Variants in GLMN observed in about 807,000 individuals in gnomAD.
GLMN encodes glomulin, FKBP associated protein, also known as glomulin.
In GLMN, 75 loss-of-function variants were observed where a neutral mutation model predicts 87.8. The ratio of observed to expected loss-of-function variants is 0.85; its 90% confidence interval spans 0.71 to 1.04. GLMN has a LOEUF of 1.04. Ranked by LOEUF, GLMN falls within the 50% of genes least tolerant of loss-of-function variation. The pLI is 0.00. For missense variants in GLMN, 588 were observed against 658.8 expected (o/e 0.89, Z 1.18); for synonymous variants, 206 against 221.6 (o/e 0.93, Z 0.63).
chr1:92,299,640 A>G (rs141103779), upstream of GLMN, among the ~76,000 whole-genome samples: 78 of 152,314 alleles, frequency 5.1e-4, 2 homozygotes, highest in East Asian at 0.014. Context: ...TTAAGCAACT[A>G]TGATACAGAA....
At chr1:92,363,861 A>G in the GLMN span, 37 of 182,760 alleles carry the variant, frequency 2.0e-4, no homozygotes, top group African/African-American at 8.5e-4. Context: ...ATCCTTACAT[A>G]TGCATTATGT....
chr1:92,357,950 A>G, the GLMN span, among the ~76,000 whole-genome samples: 2 of 152,218 alleles, frequency 1.3e-5, no homozygotes, highest in Non-Finnish European at 2.9e-5. Context: ...TTTTAGACAC[A>G]GGATCTCGCC....
chr1:92,313,086 C>T, the GLMN span, among the ~76,000 whole-genome samples: 5 of 152,180 alleles, frequency 3.3e-5, no homozygotes, highest in African/African-American at 7.2e-5. Context: ...AGGCTGGTCT[C>T]GAACTCCTGG....
At chr1:92,250,363 C>CT (rs1653300796) in intron 16 of GLMN, among the ~76,000 whole-genome samples, 1 of 151,998 alleles carries the variant, frequency 6.6e-6, no homozygotes, top group Admixed American at 6.6e-5. Context: ...CTTCAGCTTC[C>CT]TTTTTCTTTG....
At chr1:92,267,573 G>A (rs886882217) in intron 11 of GLMN, among the ~76,000 whole-genome samples, 10 of 151,798 alleles carry the variant, frequency 6.6e-5, no homozygotes, top group Non-Finnish European at 1.2e-4. Context: ...GTGTGGTGGC[G>A]GGCGCCTGTA....
chr1:92,297,996 C>A lies in GLMN; in HGVS notation c.4G>T (p.Ala2Ser), dbSNP rs1163136490. M[A>S]VEELQSIIKR... ...ATTATAGACTGAAGTTCCTCTACAG[C>A]CATTCTTATTTCTCCTAGTTTCGAT... Residue 2 changes from alanine (A) to serine (S), a missense_variant, in exon 2 of 19, where the codon GCT becomes TCT. Physicochemically the swap from Ala to Ser is moderately conservative, Grantham distance 99. Coordinates refer to ENST00000370360, the MANE Select transcript of GLMN (RefSeq NM_053274.3). 6.7e-7 allele frequency: 1 copy of A among 1,499,818 alleles called. No individual in the cohort carries two copies. The highest frequency in any genetic ancestry group is 1.4e-5 in the African/African-American group (1 of 72,842). 92.9% of individuals were successfully genotyped at this position (1,499,818 alleles called of 1,614,324 possible).
At chr1:92,327,481 C>T in the GLMN span, among the ~76,000 whole-genome samples, 1,466 of 152,314 alleles carry the variant, frequency 9.6e-3, 23 homozygotes, top group African/African-American at 0.034. Flanking sequence ...ATAGCTACTT[C>T]TCACTTTTGG....
chr1:92,351,389 T>C, the GLMN span, among the ~76,000 whole-genome samples: 1 of 151,524 alleles, frequency 6.6e-6, no homozygotes, highest in African/African-American at 2.4e-5. Context: ...AAGTATATCA[T>C]ATTTGTTTTT....
At chr1:92,335,373 C>G in the GLMN span, among the ~76,000 whole-genome samples, 1 of 152,080 alleles carries the variant, frequency 6.6e-6, no homozygotes, top group Non-Finnish European at 1.5e-5. Context: ...TACTATCACA[C>G]TGGTCTTAAA....
At position 92,246,475 on chromosome 1, in the gene GLMN, G is replaced by C; in HGVS notation, c.*55C>G. The C allele has an allele frequency of 5.0e-6, 4 of 802,866 alleles. No homozygotes were observed. The highest frequency in any genetic ancestry group is 3.6e-4 in the Middle Eastern group (1 of 2,770). The allele number at this position is 802,866 out of a possible 1,614,324, so 49.7% of individuals were successfully genotyped here. A position where few individuals can be genotyped will look rare whatever the true frequency, so the allele number is the denominator to read the frequency against. The stretch of plus-strand genomic sequence containing the variant: ...AAAATTTTTTATAAAGGTATTAAAT[G>C]AATCATAATGGAAAGTACTATATTT... On this transcript the variant is annotated 3_prime_UTR_variant, in exon 19 of 19. Coordinates refer to ENST00000370360, the MANE Select transcript of GLMN (RefSeq NM_053274.3).
chr1:92,264,030 A>G (rs1655330951), intron 14 of GLMN, among the ~76,000 whole-genome samples: 1 of 152,166 alleles, frequency 6.6e-6, no homozygotes, highest in Non-Finnish European at 1.5e-5. Flanking sequence ...TATCAGCTCA[A>G]AGAGGCCCAG....
At chr1:92,324,161 C>G in the GLMN span, 15 of 1,614,122 alleles carry the variant, frequency 9.3e-6, no homozygotes, top group Non-Finnish European at 1.2e-5. Context: ...GACATAATCT[C>G]AGATCCAGAT....
intron 3 of GLMN, among the ~76,000 whole-genome samples, chr1:92,294,875 C>T (rs932288015): frequency 6.6e-6 from 1 of 152,186 alleles, no homozygotes; most frequent in African/African-American, 2.4e-5. Context: ...GACAGGGTTT[C>T]ACCATGTTGG....
chr1:92,290,683 CT>C (rs1401009098), intron 4 of GLMN, among the ~76,000 whole-genome samples: 1 of 152,200 alleles, frequency 6.6e-6, no homozygotes, highest in Non-Finnish European at 1.5e-5. Flanking sequence ...ACAGGTAAAA[CT>C]TTGCATTGCT....
At chr1:92,355,174 C>T in the GLMN span, among the ~76,000 whole-genome samples, 1 of 151,906 alleles carries the variant, frequency 6.6e-6, no homozygotes, top group Non-Finnish European at 1.5e-5. Flanking sequence ...TTTTATTTAA[C>T]ATTTTTTTTA....
intron 16 of GLMN, among the ~76,000 whole-genome samples, chr1:92,259,271 T>A (rs1252230630): frequency 6.6e-6 from 1 of 152,204 alleles, no homozygotes; most frequent in Non-Finnish European, 1.5e-5. Flanking sequence ...CTATTAAATA[T>A]CTATTAAATA....
chr1:92,281,112 A>C (rs1647989935), intron 7 of GLMN, among the ~76,000 whole-genome samples: 1 of 152,204 alleles, frequency 6.6e-6, no homozygotes, highest in African/African-American at 2.4e-5. Flanking sequence ...CAGGAAATAC[A>C]GAGAACACCA....
At chr1:92,305,871 T>C in the GLMN span, among the ~76,000 whole-genome samples, 1 of 152,204 alleles carries the variant, frequency 6.6e-6, no homozygotes, top group Non-Finnish European at 1.5e-5. Flanking sequence ...TTTTGAGAAA[T>C]GGCTTGGCAT....
chr1:92,274,358 G>T (rs1292975220), intron 7 of GLMN, among the ~76,000 whole-genome samples: 2 of 152,122 alleles, frequency 1.3e-5, no homozygotes, highest in South Asian at 2.1e-4. Context: ...ACAGGTAGGG[G>T]CTTAGCACAG....
Sources: gnomAD v4.1 joint callset for allele counts (sites outside exome capture counted in the v4.1 genomes callset) on GRCh38, gnomAD v4.1.1 for gene constraint, MANE v1.5 for transcripts, NCBI Gene and HGNC (gene_info 2026-07-23, HGNC 2026-07-21) for gene names.